Variants in CHAF1A observed in about 807,000 individuals in gnomAD.
CHAF1A encodes the protein CAF-1 subunit A.
CHAF1A carries 5 observed loss-of-function variants against 93.2 expected under a neutral mutation model. The observed-to-expected ratio is 0.05, with a 90% confidence interval of 0.03 to 0.11. The LOEUF (loss-of-function observed/expected upper bound fraction) is 0.11, where lower values mean the gene tolerates loss of function less well. Ranked by LOEUF, CHAF1A falls within the 10% of genes least tolerant of loss-of-function variation. The pLI is 1.00. For missense variants in CHAF1A, 1,102 were observed against 1,259.9 expected, an observed-to-expected ratio of 0.87 and a Z score of 1.90; for synonymous variants, 504 against 510.3, an observed-to-expected ratio of 0.99 and a Z score of 0.17.
At position 4,433,734 on chromosome 19, in the gene CHAF1A, TG is replaced by T. The variant is rs1974233242; in HGVS notation, c.2673+198del. On this transcript the variant is annotated intron_variant, in intron 13 of 14. Coordinates refer to ENST00000301280, the MANE Select transcript of CHAF1A (RefSeq NM_005483.3). This position sits in a 1 kb window ranked among gnomAD's most constrained non-coding sequence, Gnocchi z 5.6. ...CTCCTGCCTTAGCCTCCTGAGTAGC[TG>T]GGATTACAGGTGTACGCCACCATGC... Among the ~76,000 whole-genome samples the T allele has an allele frequency of 6.6e-6, 1 of 151,944 alleles. No individual in the cohort carries two copies. Among genetic ancestry groups the T allele is most frequent in the Non-Finnish European group, 1.5e-5 (1 of 67,986 alleles).
rs142979480 is a variant in CHAF1A at position 4,407,109 on chromosome 19, C to T, written c.103+1147C>T. ...TAGGGGGCACCTGTAGTCCCAGCTA[C>T]TCAGGAGGCCGAGGCAAGAGAATTG... On this transcript the variant is annotated intron_variant, in intron 2 of 14. Transcript: ENST00000301280. Among the ~76,000 whole-genome samples the T allele has an allele frequency of 1.6e-3, 243 of 152,088 alleles. 5 individuals are homozygous for T. In the East Asian group the frequency reaches 0.04, roughly 25 times the overall value.
chr19:4,433,263 G>A lies in CHAF1A; in HGVS notation c.2397G>A (p.Lys799=). ...DAAIPSKSRL[K]RLISENSVYE... ...CCATCCCCTCTAAGTCCCGGCTCAA[G>A]CGGCTCATTTCCGAGAACTCAGTGT... is the stretch of plus-strand genomic sequence containing the variant. The change falls in exon 13 of 15, where the codon AAG becomes AAA. Residue 799 remains lysine (K), a synonymous_variant. Coordinates refer to ENST00000301280, the MANE Select transcript of CHAF1A (RefSeq NM_005483.3). This position sits in a 1 kb window ranked among gnomAD's most constrained non-coding sequence, Gnocchi z 5.6. 6.2e-7 allele frequency: 1 copy of A among 1,614,220 alleles called. No individual in the cohort carries two copies. Among genetic ancestry groups the A allele is most frequent in the South Asian group, 1.1e-5 (1 of 91,088 alleles).
chr19:4,440,801 G>A (rs1443292579), intron 13 of CHAF1A, among the ~76,000 whole-genome samples: 2 of 151,926 alleles, frequency 1.3e-5, no homozygotes, highest in East Asian at 1.9e-4. Context: ...GTAACCCAGT[G>A]GTATATGTGT....
At chr19:4,424,974 A>G (rs544941412) in intron 7 of CHAF1A, among the ~76,000 whole-genome samples, 4 of 152,034 alleles carry the variant, frequency 2.6e-5, no homozygotes, top group East Asian at 3.9e-4. Flanking sequence ...GGGTTTTGCT[A>G]TGTTGCCCAG....
rs1864468227 is a variant in CHAF1A, at chr19:4,402,792, C to T, written c.30C>T (p.Pro10=). The T allele has an allele frequency of 4.1e-6, 5 of 1,205,228 alleles. No homozygotes were observed. Among genetic ancestry groups the T allele is most frequent in the African/African-American group, 1.6e-5 (1 of 63,160 alleles). 74.7% of individuals were successfully genotyped at this position (1,205,228 alleles called of 1,614,324 possible). A position where few individuals can be genotyped will look rare whatever the true frequency, so the allele number is the denominator to read the frequency against. ...TGGAGGAGCTGGAGTGCGGGGCGCC[C>T]GGCGCCAGGGGAGCCGCCACAGGTC... MLEELECGA[P]GARGAATAMD... is the part of the protein sequence containing the mutation. The change falls in exon 1 of 15, where the codon CCC becomes CCT. Residue 10 remains proline (P), a synonymous_variant. Coordinates refer to ENST00000301280, the MANE Select transcript of CHAF1A (RefSeq NM_005483.3).
chr19:4,448,465 C>G, downstream of CHAF1A: 1 of 1,457,014 alleles, frequency 6.9e-7, no homozygotes. Context: ...CCGGGCCGCA[C>G]GGCCCTCCGC....
rs772745037 is a variant in CHAF1A at position 4,437,100 on chromosome 19, A to G, written c.2673+3561A>G. 3.3e-5 allele frequency among the ~76,000 whole-genome samples: 5 copies of G among 152,212 alleles called. No homozygotes were observed. In the South Asian group the frequency reaches 8.3e-4, roughly 25 times the overall value. ...ATTGGTGGCCTCTGCTGCGTGGCAC[A>G]GGTGAGGGCCTCCTGGGGCTCAGCA... On this transcript the variant is annotated intron_variant, in intron 13 of 14. Transcript: ENST00000301280.
downstream of CHAF1A, chr19:4,446,444 G>A (rs762486253): frequency 3.8e-6 from 6 of 1,579,666 alleles, no homozygotes; most frequent in South Asian, 2.2e-5. Context: ...ACGAGGGCTG[G>A]CCGGGGTTCT....
Position 4,408,905 on chromosome 19 carries a change from C to T in CHAF1A, c.106C>T (p.Arg36Cys), listed in dbSNP as rs374615768. 4.4e-6 allele frequency: 7 copies of T among 1,598,138 alleles called. No homozygotes were observed. Among genetic ancestry groups the T allele is most frequent in the Non-Finnish European group, 5.1e-6 (6 of 1,174,394 alleles). The change falls in exon 3 of 15, where the codon CGT becomes TGT. Residue 36 changes from arginine (R) to cysteine (C), a missense_variant and splice_region_variant. By Grantham distance (180) the Arg-to-Cys change is radical (BLOSUM62 -3). Coordinates refer to ENST00000301280, the MANE Select transcript of CHAF1A (RefSeq NM_005483.3). ...AFPVKKLIQA[R>C]LPFKRLNLVP... ...ATGGCTTTCTGTCTTTGTTTCAGCCCGTCTGCCGTTTAAGCGCCTGAATCT... is the reference window on the plus strand; with the variant it reads ...ATGGCTTTCTGTCTTTGTTTCAGCCTGTCTGCCGTTTAAGCGCCTGAATCT...
In CHAF1A at chr19:4,443,144, T is replaced by G; in HGVS notation, c.*119T>G. The G allele has an allele frequency of 1.4e-6, 1 of 740,020 alleles. No individual in the cohort carries two copies. Among genetic ancestry groups the G allele is most frequent in the Non-Finnish European group, 2.4e-6 (1 of 408,452 alleles). 45.8% of individuals were successfully genotyped at this position (740,020 alleles called of 1,614,324 possible). ...CTGCTTCACGGACCTCCCCAAAGTG[T>G]GCAGAGTTCTATATAGGATGCTGGA... On this transcript the variant is annotated 3_prime_UTR_variant, in exon 15 of 15. Coordinates refer to ENST00000301280, the MANE Select transcript of CHAF1A (RefSeq NM_005483.3).
At position 4,402,813 on chromosome 19, in the gene CHAF1A, A is replaced by G; in HGVS notation, c.51A>G (p.Thr17=). ...CGCCCGGCGCCAGGGGAGCCGCCACAGGTCGGTTCGGGCCCGCGCCGAGGG... is the reference window on the plus strand; with the variant it reads ...CGCCCGGCGCCAGGGGAGCCGCCACGGGTCGGTTCGGGCCCGCGCCGAGGG... The part of the protein sequence containing the change: ...CGAPGARGAA[T]AMDCKDRPAF... The change falls in exon 1 of 15, where the codon ACA becomes ACG. Residue 17 remains threonine (T), a splice_region_variant and synonymous_variant. Transcript: ENST00000301280. The G allele has an allele frequency of 1.7e-6, 2 of 1,203,200 alleles. No homozygotes were observed. The highest frequency in any genetic ancestry group is 1.0e-6 in the Non-Finnish European group (1 of 969,524). The allele number at this position is 1,203,200 out of a possible 1,614,324, so 74.5% of individuals were successfully genotyped here. A position where few individuals can be genotyped will look rare whatever the true frequency, so the allele number is the denominator to read the frequency against.
At chr19:4,431,851 T>C (rs1974188221) in intron 11 of CHAF1A, 101 bp from the exon 12 acceptor site, 1 of 1,477,182 alleles carries the variant, frequency 6.8e-7, no homozygotes, top group Non-Finnish European at 9.1e-7. Flanking sequence ...CCCTGTCCTT[T>C]CCTCTTGCTC....
chr19:4,413,095 C>T (rs1003875417), intron 3 of CHAF1A, among the ~76,000 whole-genome samples: 69 of 151,836 alleles, frequency 4.5e-4, no homozygotes, highest in Non-Finnish European at 7.6e-4. Flanking sequence ...TTTTTTGAGG[C>T]GGAATCTCAC....
At chr19:4,412,655 A>G (rs766716425) in intron 3 of CHAF1A, among the ~76,000 whole-genome samples, 2 of 152,202 alleles carry the variant, frequency 1.3e-5, no homozygotes, top group Non-Finnish European at 2.9e-5. Flanking sequence ...TCATGGTGGC[A>G]CAATCCTGCC....
chr19:4,432,023 T>C lies in CHAF1A; in HGVS notation c.2019T>C (p.Ala673=). 1.2e-6 allele frequency: 2 copies of C among 1,614,042 alleles called. No homozygotes were observed. Among genetic ancestry groups the C allele is most frequent in the Non-Finnish European group, 1.7e-6 (2 of 1,180,008 alleles). ...LKAKEWDEFL[A]KGKRFRVLQP... ...CCAAGGAGTGGGACGAGTTCCTGGC[T>C]AAGGGGAAGCGCTTTCGCGTCCTGC... is the stretch of plus-strand genomic sequence containing the variant. Residue 673 remains alanine, a synonymous_variant, in exon 12 of 15, where the codon GCT becomes GCC. Coordinates refer to ENST00000301280, the MANE Select transcript of CHAF1A (RefSeq NM_005483.3).
In CHAF1A at chr19:4,427,136, C is replaced by CTTTTTTTTTTTTTTTTTTTTTT. The variant is rs747750687; in HGVS notation, c.1378-1518_1378-1497dup. Among the ~76,000 whole-genome samples the CTTTTTTTTTTTTTTTTTTTTTT allele has an allele frequency of 3.1e-4, 10 of 31,948 alleles. 2 individuals carry two copies. Among genetic ancestry groups the CTTTTTTTTTTTTTTTTTTTTTT allele is most frequent in the African/African-American group, 7.3e-4 (5 of 6,822 alleles). 21.0% of individuals were successfully genotyped at this position (31,948 alleles called of 152,430 possible). On this transcript the variant is annotated intron_variant, in intron 7 of 14. Transcript: ENST00000301280. ...GTGATCTTTCAAAAAAAGACCCTGT[C>CTTTTTTTTTTTTTTTTTTTTTT]TTTTTTTTTTTTTTTTTTTTTTTTT...
rs1568429634 is a variant in CHAF1A, at chr19:4,409,083, A to T, written c.284A>T (p.Lys95Met). 2 of 1,614,198 alleles carry T rather than the reference A, an allele frequency of 1.2e-6. No homozygotes were observed. Among genetic ancestry groups the T allele is most frequent in the Admixed American group, 3.3e-5 (2 of 60,020 alleles). The change falls in exon 3 of 15, where the codon AAG (lysine) becomes ATG (methionine). Residue 95 changes from lysine to methionine, a missense_variant. Physicochemically the swap from Lys to Met is moderately conservative, Grantham distance 95. Transcript: ENST00000301280. Reference sequence around the variant, plus strand: ...TTTAGACCGAAACTTGTCAACGGGAAGGGTCCCTTAGATAACTTTTTAAGA... The same window carrying T: ...TTTAGACCGAAACTTGTCAACGGGATGGGTCCCTTAGATAACTTTTTAAGA... ...IDFRPKLVNG[K>M]GPLDNFLRNR...
chr19:4,421,313 A>G (rs930781611), intron 4 of CHAF1A, among the ~76,000 whole-genome samples: 3 of 151,836 alleles, frequency 2.0e-5, no homozygotes, highest in Non-Finnish European at 4.4e-5. Context: ...GCCTCAAGCA[A>G]TTTGTCTGCC....
At chr19:4,442,886 G>T (rs780695487) in intron 14 of CHAF1A, 39 bp from the exon 15 acceptor site, 8 of 1,462,210 alleles carry the variant, frequency 5.5e-6, no homozygotes, top group South Asian at 1.4e-5. Context: ...AGCCCAGAGG[G>T]CCCAGCCAGC....
Sources: allele counts gnomAD v4.1 joint callset (sites outside exome capture counted in the v4.1 genomes callset), GRCh38; gene constraint gnomAD v4.1.1; non-coding constraint Gnocchi (gnomAD v3.1); transcripts MANE v1.5; gene names NCBI Gene and HGNC (gene_info 2026-07-23, HGNC 2026-07-21).